Variants in BMPR2 observed in about 807,000 individuals in gnomAD.
The protein encoded by BMPR2 is bone morphogenetic protein receptor type-2.
A neutral mutation model predicts 100.8 loss-of-function variants in BMPR2; 29 were observed. The observed-to-expected ratio is 0.29, with a 90% confidence interval of 0.21 to 0.39. The LOEUF (loss-of-function observed/expected upper bound fraction) is 0.39, where lower values mean the gene tolerates loss of function less well. Among genes scored for constraint, BMPR2 ranks in the 10% least tolerant of loss-of-function variants. The probability of loss-of-function intolerance (pLI) is 1.00; values close to 1 mark genes in which losing one functional copy is unlikely to be tolerated. For missense variants in BMPR2, 1,011 were observed against 1,274.5 expected (o/e 0.79, Z 3.15); for synonymous variants, 382 against 442.3 (o/e 0.86, Z 1.71).
At chr2:202,536,508 G>A (rs138985322) in intron 9 of BMPR2, among the ~76,000 whole-genome samples, 5 of 151,502 alleles carry the variant, frequency 3.3e-5, no homozygotes, top group African/African-American at 1.2e-4. Flanking sequence ...ATATTTTCTA[G>A]TTAATTAAAA....
chr2:202,394,762 T>C (rs1368426853), intron 1 of BMPR2, among the ~76,000 whole-genome samples: 2 of 151,722 alleles, frequency 1.3e-5, no homozygotes, highest in Non-Finnish European at 2.9e-5. Flanking sequence ...ATGAAAAATA[T>C]AGATTTTTTC....
chr2:202,396,037 C>T (rs1690651242), intron 1 of BMPR2, among the ~76,000 whole-genome samples: 1 of 152,062 alleles, frequency 6.6e-6, no homozygotes, highest in African/African-American at 2.4e-5. Flanking sequence ...TTTGGAAGAG[C>T]AGCCAGGTGG....
intron 7 of BMPR2, among the ~76,000 whole-genome samples, chr2:202,528,151 C>T (rs1348017973): frequency 6.6e-6 from 1 of 152,182 alleles, no homozygotes; most frequent in Non-Finnish European, 1.5e-5. Flanking sequence ...CATGCCACTG[C>T]ACTCCAGCCT....
At chr2:202,388,299 A>G (rs1309680715) in intron 1 of BMPR2, among the ~76,000 whole-genome samples, 1 of 141,796 alleles carries the variant, frequency 7.1e-6, no homozygotes, top group East Asian at 2.3e-4. Flanking sequence ...TGGGAGGCTG[A>G]GGTAGGACAA....
chr2:202,514,174 C>T (rs911316917), intron 4 of BMPR2, among the ~76,000 whole-genome samples: 4 of 152,046 alleles, frequency 2.6e-5, no homozygotes, highest in Non-Finnish European at 5.9e-5. Flanking sequence ...GTCTCGCTGT[C>T]GCCCAGGTTG....
Position 202,471,912 on chromosome 2 carries a change from TTG to T in BMPR2, c.418+4249_418+4250del, listed in dbSNP as rs111523279. 7.2e-3 allele frequency among the ~76,000 whole-genome samples: 1,059 copies of T among 147,528 alleles called. 4 individuals are homozygous for T. The highest frequency in any genetic ancestry group is 1.0e-2 in the African/African-American group (402 of 40,360). ...TACTGTGTATTGGTTCAAAAAAAGA[TTG>T]TGTGTGTGTGTGTGTGTGTGTGTGT... is the stretch of plus-strand genomic sequence containing the variant. On this transcript the variant is annotated intron_variant, in intron 3 of 12. Transcript: ENST00000374580.
chr2:202,386,218 T>A (rs1049235109), intron 1 of BMPR2, among the ~76,000 whole-genome samples: 4 of 152,250 alleles, frequency 2.6e-5, no homozygotes, highest in Non-Finnish European at 5.9e-5. Context: ...AGTTTCAAAT[T>A]TATTTCTATC....
At chr2:202,470,485 G>T (rs1369447972) in intron 3 of BMPR2, among the ~76,000 whole-genome samples, 3 of 152,142 alleles carry the variant, frequency 2.0e-5, no homozygotes, top group Non-Finnish European at 4.4e-5. Flanking sequence ...AAAGAGGCCG[G>T]GCGCGGTGGC....
intron 3 of BMPR2, among the ~76,000 whole-genome samples, chr2:202,496,894 G>C (rs976558034): frequency 2.0e-5 from 3 of 152,252 alleles, no homozygotes; most frequent in African/African-American, 7.2e-5. Context: ...CCTTCAGCTT[G>C]CAGGGAGGTG....
chr2:202,377,545 C>A lies in BMPR2; in HGVS notation c.71C>A (p.Ala24Glu), dbSNP rs370120266. 5 of 1,614,006 alleles carry A rather than the reference C, an allele frequency of 3.1e-6. No individual in the cohort carries two copies. The highest frequency in any genetic ancestry group is 4.2e-6 in the Non-Finnish European group (5 of 1,180,014). The change falls in exon 1 of 13, where the codon GCG (alanine) becomes GAG (glutamate). Residue 24 changes from alanine to glutamate, a missense_variant. Around this residue, in one of 6 missense-constraint regions of BMPR2, gnomAD observed 355 missense variants for 455.3 expected, o/e 0.78. Coordinates refer to ENST00000374580, the MANE Select transcript of BMPR2 (RefSeq NM_001204.7). The stretch of plus-strand genomic sequence containing the variant: ...TGGACCATCCTGCTGGTCAGCACTG[C>A]GGCTGGTGAGTAGCTCCGGCCGGCA... ...LPWTILLVST[A>E]AASQNQERLC...
At chr2:202,465,075 A>G in intron 2 of BMPR2, 96 bp downstream of exon 2, 1 of 1,483,984 alleles carries the variant, frequency 6.7e-7, no homozygotes, top group Non-Finnish European at 9.3e-7. Flanking sequence ...CTGTTCAGAA[A>G]AACAGTGAAT....
rs190449056 is a variant in BMPR2, at chr2:202,528,908, T to A, written c.968-1886T>A. 3.2e-3 allele frequency among the ~76,000 whole-genome samples: 487 copies of A among 152,354 alleles called. 2 individuals carry two copies. The highest frequency in any genetic ancestry group is 0.011 in the African/African-American group (472 of 41,596). ...TTCTATCCTTCCCAGCATCTTCAGA[T>A]ATAACTTTGTTATTTGGAGTAGAAA... On this transcript the variant is annotated intron_variant, in intron 7 of 12. Coordinates refer to ENST00000374580, the MANE Select transcript of BMPR2 (RefSeq NM_001204.7).
chr2:202,492,721 A>AAAAC, intron 3 of BMPR2, among the ~76,000 whole-genome samples: 1 of 149,130 alleles, frequency 6.7e-6, no homozygotes, highest in Non-Finnish European at 1.5e-5. Context: ...AAAAAAAAAA[A>AAAAC]AACCAAAAAA....
chr2:202,496,275 C>T (rs927413210), intron 3 of BMPR2, among the ~76,000 whole-genome samples: 2 of 152,044 alleles, frequency 1.3e-5, no homozygotes, highest in Admixed American at 6.6e-5. Flanking sequence ...TTGCTTGAGC[C>T]CGGGAGTTTG....
chr2:202,389,021 A>G (rs907383482), intron 1 of BMPR2, among the ~76,000 whole-genome samples: 1 of 151,772 alleles, frequency 6.6e-6, no homozygotes, highest in African/African-American at 2.4e-5. Context: ...CTTGAGGCCT[A>G]GAGTTCGAGA....
At chr2:202,515,838 A>C (rs968080078) in intron 5 of BMPR2, among the ~76,000 whole-genome samples, 1 of 152,132 alleles carries the variant, frequency 6.6e-6, no homozygotes, top group Non-Finnish European at 1.5e-5. Flanking sequence ...GCAATGAGCC[A>C]AGATCACGCC....
intron 3 of BMPR2, among the ~76,000 whole-genome samples, chr2:202,499,588 C>T (rs1402983642): frequency 1.3e-5 from 2 of 152,150 alleles, no homozygotes; most frequent in Admixed American, 6.5e-5. Flanking sequence ...CTGCCTTCCT[C>T]GAGCGGCTAC....
At chr2:202,522,522 A>C (rs1360504833) in intron 7 of BMPR2, among the ~76,000 whole-genome samples, 2 of 150,958 alleles carry the variant, frequency 1.3e-5, no homozygotes, top group African/African-American at 4.9e-5. Flanking sequence ...AAAAAAAAAG[A>C]AATTCTTGTC....
intron 1 of BMPR2, among the ~76,000 whole-genome samples, chr2:202,426,998 T>G (rs1244793305): frequency 1.3e-5 from 2 of 152,218 alleles, no homozygotes; most frequent in African/African-American, 4.8e-5. Context: ...ATGATGATAC[T>G]CAAGACTAGG....
Sources: allele counts gnomAD v4.1 joint callset (sites outside exome capture counted in the v4.1 genomes callset), GRCh38; gene constraint gnomAD v4.1.1; regional missense constraint gnomAD v4.1.1; transcripts MANE v1.5; gene names NCBI Gene and HGNC (gene_info 2026-07-23, HGNC 2026-07-21).